SPNS3: variants seen among roughly 807,000 people sequenced by gnomAD.
SPNS3 encodes protein spinster homolog 3.
In SPNS3, 51 loss-of-function variants were observed where a neutral mutation model predicts 54.4. That is an observed-to-expected ratio of 0.94 (90% CI 0.75 to 1.18). The LOEUF is 1.18. SPNS3 is among the 50% of genes most tolerant of loss of function. The pLI is 0.00. For synonymous variants in SPNS3, 309 were observed against 294.7 expected, an observed-to-expected ratio of 1.05 and a Z score of -0.50; for missense variants, 669 against 677.4, an observed-to-expected ratio of 0.99 and a Z score of 0.14.
At chr17:4,476,602 A>G (rs1208694339) in intron 8 of SPNS3, among the ~76,000 whole-genome samples, 2 of 152,146 alleles carry the variant, frequency 1.3e-5, no homozygotes, top group Non-Finnish European at 2.9e-5. Flanking sequence ...ATGTGGCCCC[A>G]GGAGGCAGCT....
chr17:4,438,507 C>G (rs1597299343), intron 1 of SPNS3, among the ~76,000 whole-genome samples: 1 of 152,328 alleles, frequency 6.6e-6, no homozygotes, highest in East Asian at 1.9e-4. Context: ...CAGACCCCGA[C>G]CCTTTCTAGG....
intron 1 of SPNS3, among the ~76,000 whole-genome samples, chr17:4,439,027 C>A (rs533586650): frequency 1.3e-5 from 2 of 151,910 alleles, no homozygotes; most frequent in East Asian, 3.9e-4. Context: ...TCTGTGTTCC[C>A]ATATGAAGAG....
At position 4,448,049 on chromosome 17, in the gene SPNS3, A is replaced by G. The variant is rs888686358; in HGVS notation, c.622-106A>G. 4 of 1,161,588 alleles carry G rather than the reference A, an allele frequency of 3.4e-6. No homozygotes were observed. In the Admixed American group the frequency reaches 1.1e-4, roughly 31 times the overall value. 72.0% of individuals were successfully genotyped at this position (1,161,588 alleles called of 1,614,324 possible). ...CACCCCCACTACCCCCAGGGCTTGG[A>G]AACCAGAGGTCAGCCACTGGCTGAT... is the stretch of plus-strand genomic sequence containing the variant. On this transcript the variant is annotated intron_variant, in intron 5 of 11. Coordinates refer to ENST00000355530, the MANE Select transcript of SPNS3 (RefSeq NM_182538.5).
chr17:4,480,136 C>G (rs1468751345), intron 9 of SPNS3, among the ~76,000 whole-genome samples: 2 of 152,124 alleles, frequency 1.3e-5, no homozygotes, highest in East Asian at 1.9e-4. Flanking sequence ...TCCCCACGGC[C>G]CAGGCCCAGC....
At chr17:4,478,806 C>G (rs1170888141) in intron 9 of SPNS3, among the ~76,000 whole-genome samples, 169 bp downstream of exon 9, 1 of 152,214 alleles carries the variant, frequency 6.6e-6, no homozygotes, top group Non-Finnish European at 1.5e-5. Flanking sequence ...TCTCAAACAT[C>G]TCTGACCATC....
chr17:4,465,561 CTACAAAAA>C (rs1253491794), intron 8 of SPNS3, among the ~76,000 whole-genome samples: 1 of 152,010 alleles, frequency 6.6e-6, no homozygotes, highest in Non-Finnish European at 1.5e-5. Context: ...AACCCCGAGG[CTACAAAAA>C]TACAAAAATT....
intron 9 of SPNS3, among the ~76,000 whole-genome samples, chr17:4,480,849 G>A (rs1022516898): frequency 4.6e-5 from 7 of 152,010 alleles, no homozygotes; most frequent in African/African-American, 1.7e-4. Context: ...AGAGCCTCCC[G>A]CCCCCTTCCC....
intron 8 of SPNS3, among the ~76,000 whole-genome samples, chr17:4,467,237 G>A (rs1971701151): frequency 6.6e-6 from 1 of 152,126 alleles, no homozygotes; most frequent in Admixed American, 6.5e-5. Context: ...ACTGACATTG[G>A]AAGCCACCAG....
intron 8 of SPNS3, among the ~76,000 whole-genome samples, chr17:4,470,980 G>A (rs9897059): frequency 0.85 from 130,058 of 152,158 alleles, 55,893 homozygotes; most frequent in East Asian, 1. Context: ...GCTGGAGTGG[G>A]ATGGCACGAA....
At position 4,486,325 on chromosome 17, in the gene SPNS3, T is replaced by C; in HGVS notation, c.1277T>C (p.Leu426Pro). 6.2e-7 allele frequency: 1 copy of C among 1,600,410 alleles called. No individual in the cohort carries two copies. The highest frequency in any genetic ancestry group is 8.5e-7 in the Non-Finnish European group (1 of 1,174,876). Reference protein sequence around the residue: ...GDAGSPYLTGLISSVLRARRP... With the variant: ...GDAGSPYLTGPISSVLRARRP... ...GCTGGCAGCCCCTATCTCACAGGAC[T>C]TGTAAGACGTGTCTGCGTGTGTGGG... The change falls in exon 10 of 12, where the codon CTT becomes CCT. Residue 426 changes from leucine to proline, a missense_variant and splice_region_variant. Transcript: ENST00000355530. This position sits in a 1 kb window ranked among gnomAD's most constrained non-coding sequence, Gnocchi z 5.5.
intron 8 of SPNS3, among the ~76,000 whole-genome samples, chr17:4,475,986 C>A (rs1238805266): frequency 6.6e-6 from 1 of 152,144 alleles, no homozygotes; most frequent in Non-Finnish European, 1.5e-5. Flanking sequence ...ATCTGGGGCA[C>A]CCTGGCGTCG....
intron 8 of SPNS3, among the ~76,000 whole-genome samples, chr17:4,476,917 C>T (rs909644439): frequency 1.3e-5 from 2 of 152,224 alleles, no homozygotes; most frequent in African/African-American, 4.8e-5. Flanking sequence ...CACATCCCAG[C>T]TCCTTGCCTC....
chr17:4,456,995 A>G (rs1212196230), intron 8 of SPNS3, among the ~76,000 whole-genome samples: 3 of 152,172 alleles, frequency 2.0e-5, no homozygotes, highest in Non-Finnish European at 2.9e-5. Flanking sequence ...GATTACAGGC[A>G]TGATCCACCA....
chr17:4,439,645 CCT>C lies in SPNS3; in HGVS notation c.200-10_200-9del. ...TACTTCCCGTTTCCTGAGCACTGTCCCTCTGTCTGCAGGAGTGCTGCTGGATA... is the reference window on the plus strand; with the variant it reads ...TACTTCCCGTTTCCTGAGCACTGTCCCTGTCTGCAGGAGTGCTGCTGGATA... On this transcript the variant is annotated splice_polypyrimidine_tract_variant and intron_variant, in intron 1 of 11. Transcript: ENST00000355530. 6.2e-7 allele frequency: 1 copy of C among 1,611,618 alleles called. No homozygotes were observed. Among genetic ancestry groups the C allele is most frequent in the South Asian group, 1.1e-5 (1 of 90,306 alleles).
intron 1 of SPNS3, among the ~76,000 whole-genome samples, chr17:4,435,520 G>A (rs191961733): frequency 3.6e-4 from 55 of 151,626 alleles, no homozygotes; most frequent in East Asian, 3.9e-4. Context: ...CAGTGGGGGT[G>A]GGGCCAGAGA....
chr17:4,445,220 T>C (rs911504583), intron 3 of SPNS3, 52 bp downstream of exon 3: 37 of 1,551,522 alleles, frequency 2.4e-5, no homozygotes, highest in Non-Finnish European at 3.2e-5. Context: ...CCCACCTGCT[T>C]CCTCCCTGAT....
At chr17:4,476,399 T>TCCACCCCACA (rs1703621145) in intron 8 of SPNS3, among the ~76,000 whole-genome samples, 2 of 152,150 alleles carry the variant, frequency 1.3e-5, no homozygotes, top group African/African-American at 4.8e-5. Context: ...AGGGTGTATT[T>TCCACCCCACA]CAGCATGTCC....
At chr17:4,446,689 C>T (rs1831333014) in intron 4 of SPNS3, 2 of 606,758 alleles carry the variant, frequency 3.3e-6, no homozygotes, top group Non-Finnish European at 5.9e-6. Flanking sequence ...TGGGGGTGGG[C>T]CAGGAGCCAG....
At chr17:4,454,000 A>C (rs1367553313) in intron 8 of SPNS3, among the ~76,000 whole-genome samples, 1 of 152,114 alleles carries the variant, frequency 6.6e-6, no homozygotes, top group African/African-American at 2.4e-5. Flanking sequence ...GCACGCGTCC[A>C]TTTCTTCCAC....
Sources: allele counts gnomAD v4.1 joint callset (sites outside exome capture counted in the v4.1 genomes callset), GRCh38; gene constraint gnomAD v4.1.1; non-coding constraint Gnocchi (gnomAD v3.1); transcripts MANE v1.5; gene names NCBI Gene and HGNC (gene_info 2026-07-23, HGNC 2026-07-21).